TYW1B: variants seen among roughly 807,000 people sequenced by gnomAD.
The protein encoded by TYW1B is tRNA-yW synthesizing protein 1 homolog B.
A neutral mutation model predicts 86.9 loss-of-function variants in TYW1B; 73 were observed. The ratio of observed to expected loss-of-function variants is 0.84; its 90% CI spans 0.70 to 1.02. The LOEUF is 1.02. TYW1B is among the 50% of genes least tolerant of loss of function. The pLI, the probability that TYW1B is intolerant of heterozygous loss-of-function variation, is 0.00. For missense variants in TYW1B, 637 were observed against 827.4 expected (o/e 0.77, Z 2.82); for synonymous variants, 248 against 292.8 (o/e 0.85, Z 1.56).
At chr7:72,719,625 C>T (rs1450468319) in intron 9 of TYW1B, among the ~76,000 whole-genome samples, 3 of 96,930 alleles carry the variant, frequency 3.1e-5, no homozygotes, top group East Asian at 5.1e-4. Flanking sequence ...GGTGAGATTC[C>T]GTCTCCAAAA....
intron 12 of TYW1B, among the ~76,000 whole-genome samples, chr7:72,625,779 T>C (rs2129568627): frequency 6.6e-6 from 1 of 152,010 alleles, no homozygotes; most frequent in South Asian, 2.1e-4. Flanking sequence ...TTATACTGTT[T>C]ACCAAGTAGC....
At chr7:72,723,583 G>C (rs1168251007) in intron 9 of TYW1B, among the ~76,000 whole-genome samples, 1 of 152,132 alleles carries the variant, frequency 6.6e-6, no homozygotes, top group East Asian at 1.9e-4. Flanking sequence ...ACTGGGCAAC[G>C]TAGTGAGACC....
Position 72,713,659 on chromosome 7 carries a change from G to A in TYW1B, c.1332C>T (p.Ser444=), listed in dbSNP as rs781949258. 1.9e-6 allele frequency: 3 copies of A among 1,614,092 alleles called. No individual in the cohort carries two copies. The highest frequency in any genetic ancestry group is 2.2e-5 in the South Asian group (2 of 91,052). Reference sequence around the variant, plus strand: ...GAAATTGTGCATTTGTGACCAGGAAGCTGGAGATTTTACACTGGTGGAGTA... The same window carrying A: ...GAAATTGTGCATTTGTGACCAGGAAACTGGAGATTTTACACTGGTGGAGTA... ...LKLLHQCKIS[S]FLVTNAQFPA... is the part of the protein sequence containing the mutation. The change falls in exon 10 of 14, where the codon AGC becomes AGT. Residue 444 remains serine, a synonymous_variant. Coordinates refer to ENST00000620995, the MANE Select transcript of TYW1B (RefSeq NM_001145440.3).
In TYW1B at chr7:72,667,048, A is replaced by AAAAAAAAAAAG. The variant is rs60588106; in HGVS notation, c.1506+27638_1506+27639insCTTTTTTTTTT. ...CTCCGTCTCAAAAAAAAAAAAAAAA[A>AAAAAAAAAAAG]AAAGAAACTAAAACAGGGTAAAATG... On this transcript the variant is annotated intron_variant, in intron 11 of 13. Coordinates refer to ENST00000620995, the MANE Select transcript of TYW1B (RefSeq NM_001145440.3). 2.6e-3 allele frequency among the ~76,000 whole-genome samples: 340 copies of AAAAAAAAAAAG among 131,344 alleles called. 3 individuals carry two copies. The highest frequency in any genetic ancestry group is 8.3e-3 in the African/African-American group (264 of 31,958). 86.2% of individuals were successfully genotyped at this position (131,344 alleles called of 152,430 possible). A position where few individuals can be genotyped will look rare whatever the true frequency, so the allele number is the denominator to read the frequency against.
At chr7:72,584,078 C>T (rs1811217837) in intron 13 of TYW1B, among the ~76,000 whole-genome samples, 1 of 152,184 alleles carries the variant, frequency 6.6e-6, no homozygotes, top group African/African-American at 2.4e-5. Context: ...ACAGGGTCTT[C>T]CTCTGTCGCC....
intron 11 of TYW1B, among the ~76,000 whole-genome samples, chr7:72,668,617 T>C (rs111787152): frequency 1.3e-5 from 2 of 152,084 alleles, no homozygotes; most frequent in Non-Finnish European, 2.9e-5. Context: ...AAGCCACACG[T>C]GCTTTCCCAA....
chr7:72,788,042 A>G (rs1329952769), intron 6 of TYW1B, among the ~76,000 whole-genome samples: 1 of 151,772 alleles, frequency 6.6e-6, no homozygotes, highest in African/African-American at 2.4e-5. Flanking sequence ...CAGTGGCACG[A>G]TCTCGGCTCA....
chr7:72,598,969 G>A (rs1217735617), intron 13 of TYW1B, among the ~76,000 whole-genome samples: 1 of 152,112 alleles, frequency 6.6e-6, no homozygotes, highest in East Asian at 1.9e-4. Flanking sequence ...TTTAAGAAAG[G>A]AATAACATCC....
intron 7 of TYW1B, chr7:72,768,850 T>G: frequency 3.4e-6 from 1 of 292,368 alleles, no homozygotes; most frequent in Non-Finnish European, 6.8e-6. Flanking sequence ...ATGACTTCTC[T>G]GATTCACAAA....
intron 13 of TYW1B, among the ~76,000 whole-genome samples, chr7:72,599,113 C>T (rs1225949999): frequency 6.6e-6 from 1 of 152,094 alleles, no homozygotes; most frequent in Non-Finnish European, 1.5e-5. Context: ...ACAATAATTG[C>T]CATAAACACA....
At position 72,681,049 on chromosome 7, in the gene TYW1B, C is replaced by T. The variant is rs143538298; in HGVS notation, c.1506+13638G>A. Among the ~76,000 whole-genome samples the T allele has an allele frequency of 6.9e-3, 1,055 of 152,264 alleles. 7 individuals are homozygous for T. The highest frequency in any genetic ancestry group is 0.022 in the South Asian group (104 of 4,822). On this transcript the variant is annotated intron_variant, in intron 11 of 13. Transcript: ENST00000620995. ...TTGTCTAGACCCTATAAGGTAGGCA[C>T]TGTTATTTACCCCATTTCACAGGTG...
intron 13 of TYW1B, among the ~76,000 whole-genome samples, chr7:72,578,425 T>C (rs1294926459): frequency 6.6e-6 from 1 of 152,076 alleles, no homozygotes; most frequent in Non-Finnish European, 1.5e-5. Flanking sequence ...CTTCCTCACC[T>C]CTTAACAAAG....
chr7:72,612,517 T>C (rs1371842098), intron 13 of TYW1B, among the ~76,000 whole-genome samples: 5 of 152,150 alleles, frequency 3.3e-5, no homozygotes, highest in Non-Finnish European at 7.4e-5. Flanking sequence ...TGTCTTAAGG[T>C]ACCTTTTCAT....
chr7:72,744,227 T>C (rs1313400138), intron 8 of TYW1B, among the ~76,000 whole-genome samples: 62 of 152,242 alleles, frequency 4.1e-4, no homozygotes, highest in Non-Finnish European at 7.6e-4. Flanking sequence ...TCACTATAAA[T>C]AAGACAAACT....
At chr7:72,773,977 A>G (rs1230398542) in intron 7 of TYW1B, among the ~76,000 whole-genome samples, 1 of 151,564 alleles carries the variant, frequency 6.6e-6, no homozygotes, top group African/African-American at 2.4e-5. Context: ...AGGCAGGAGA[A>G]TCACTTGAAC....
chr7:72,771,713 T>TG (rs1787872040), intron 7 of TYW1B, among the ~76,000 whole-genome samples: 1 of 16,158 alleles, frequency 6.2e-5, no homozygotes, highest in South Asian at 1.8e-3. Flanking sequence ...TTTAGCAAAA[T>TG]TTTTTTTTTT....
intron 13 of TYW1B, among the ~76,000 whole-genome samples, chr7:72,584,239 C>A (rs1226189628): frequency 6.6e-6 from 1 of 152,144 alleles, no homozygotes. Context: ...GAGAGACAGT[C>A]TTGCTATGCA....
intron 7 of TYW1B, among the ~76,000 whole-genome samples, chr7:72,771,978 T>G (rs528372282): frequency 1.5e-4 from 22 of 151,696 alleles, no homozygotes; most frequent in Non-Finnish European, 3.1e-4. Context: ...TCCCACGTAA[T>G]TGGGACTACA....
intron 7 of TYW1B, among the ~76,000 whole-genome samples, chr7:72,761,151 T>C (rs988514254): frequency 6.6e-6 from 1 of 152,168 alleles, no homozygotes; most frequent in South Asian, 2.1e-4. Context: ...TTCAATTAAA[T>C]AATAAATACT....
Sources: allele counts gnomAD v4.1 joint callset (sites outside exome capture counted in the v4.1 genomes callset), GRCh38; gene constraint gnomAD v4.1.1; transcripts MANE v1.5; gene names NCBI Gene and HGNC (gene_info 2026-07-23, HGNC 2026-07-21).